The following UBE4B variants were observed in gnomAD, a reference collection of about 807,000 sequenced individuals.
UBE4B encodes the protein ubiquitin conjugation factor E4 B.
A neutral mutation model predicts 148.1 loss-of-function variants in UBE4B; 27 were observed. The observed-to-expected ratio is 0.18, with a 90% confidence interval of 0.13 to 0.25. UBE4B has a LOEUF of 0.25. UBE4B is among the 10% of genes least tolerant of loss of function. The pLI is 1.00. For missense variants in UBE4B, 1,170 were observed against 1,662.4 expected (o/e 0.70, Z 5.15); for synonymous variants, 596 against 619.3 (o/e 0.96, Z 0.56).
rs987706049 is a variant in UBE4B, at chr1:10,068,477, G to A, written c.25-3551G>A. Among the ~76,000 whole-genome samples the A allele has an allele frequency of 3.3e-5, 5 of 151,810 alleles. No individual in the cohort carries two copies. In the East Asian group the frequency reaches 9.7e-4, roughly 29 times the overall value. On this transcript the variant is annotated intron_variant, in intron 1 of 27. Coordinates refer to ENST00000343090, the MANE Select transcript of UBE4B (RefSeq NM_001105562.3). ...TGATTCTCCTGCCGCGGCCTCCTCA[G>A]TAGCTGGGATTATGGGCGCGTGCCA...
intron 1 of UBE4B, among the ~76,000 whole-genome samples, chr1:10,043,087 G>T (rs1230274763): frequency 2.0e-5 from 3 of 151,038 alleles, no homozygotes; most frequent in Non-Finnish European, 4.4e-5. Context: ...TCAGCTCACT[G>T]CAACCTCCGC....
At chr1:10,055,385 G>A (rs1644145938) in intron 1 of UBE4B, among the ~76,000 whole-genome samples, 1 of 151,732 alleles carries the variant, frequency 6.6e-6, no homozygotes, top group Non-Finnish European at 1.5e-5. Flanking sequence ...CAGCATCATA[G>A]CTCACTGTAG....
chr1:10,086,803 C>T (rs534181834), intron 2 of UBE4B, among the ~76,000 whole-genome samples: 2 of 152,178 alleles, frequency 1.3e-5, no homozygotes, highest in African/African-American at 2.4e-5. Flanking sequence ...AATTCTCGTG[C>T]CTCAGCCTCC....
At chr1:10,130,357 A>G (rs1645573069) in intron 12 of UBE4B, 143 bp from the exon 13 acceptor site, 1 of 762,750 alleles carries the variant, frequency 1.3e-6, no homozygotes, top group Non-Finnish European at 2.2e-6. Context: ...CTGGGATTAC[A>G]GGCGTGAGCC....
chr1:10,094,113 G>C (rs2101871851), intron 2 of UBE4B, among the ~76,000 whole-genome samples: 1 of 152,212 alleles, frequency 6.6e-6, no homozygotes, highest in South Asian at 2.1e-4. Flanking sequence ...TATTCATAGA[G>C]TTAAAGTAAT....
At chr1:10,128,680 T>C (rs1339029068) in intron 11 of UBE4B, 1 of 152,206 alleles carries the variant, frequency 6.6e-6, no homozygotes, top group African/African-American at 2.4e-5. Context: ...CTCAAAGGCA[T>C]CTCAACGTTG....
rs1646160152 is a variant in UBE4B, at chr1:10,161,542, T to C, written c.3198+256T>C. Reference sequence around the variant, plus strand: ...CTCTGCCTTTTTAATTTTAAAGGGCTTTTTTGGAGATGAGCTTTTATTGTC... The same window carrying C: ...CTCTGCCTTTTTAATTTTAAAGGGCCTTTTTGGAGATGAGCTTTTATTGTC... On this transcript the variant is annotated intron_variant, in intron 23 of 27. Coordinates refer to ENST00000343090, the MANE Select transcript of UBE4B (RefSeq NM_001105562.3). This position sits in a 1 kb window ranked among gnomAD's most constrained non-coding sequence, Gnocchi z 4.1. 6.6e-6 allele frequency among the ~76,000 whole-genome samples: 1 copy of C among 152,194 alleles called. No individual in the cohort carries two copies. The highest frequency in any genetic ancestry group is 2.4e-5 in the African/African-American group (1 of 41,456).
intron 1 of UBE4B, among the ~76,000 whole-genome samples, chr1:10,039,657 T>C (rs577619936): frequency 6.6e-6 from 1 of 151,906 alleles, no homozygotes; most frequent in South Asian, 2.1e-4. Context: ...CTAGGCTGGT[T>C]TCAAACTCCT....
At chr1:10,042,064 A>G (rs1469546520) in intron 1 of UBE4B, among the ~76,000 whole-genome samples, 2 of 152,106 alleles carry the variant, frequency 1.3e-5, no homozygotes, top group East Asian at 3.9e-4. Context: ...CCCCTCGAGT[A>G]TCTGGGATTA....
chr1:10,096,837 A>G (rs1450481361), intron 3 of UBE4B, among the ~76,000 whole-genome samples: 1 of 152,140 alleles, frequency 6.6e-6, no homozygotes, highest in Non-Finnish European at 1.5e-5. Flanking sequence ...CCAGGAGTTC[A>G]AGACCAACCT....
intron 7 of UBE4B, chr1:10,107,345 T>A: frequency 7.8e-7 from 1 of 1,289,188 alleles, no homozygotes; most frequent in Non-Finnish European, 1.0e-6. Context: ...GTGGTGGTGA[T>A]GATTTTTCTT....
rs1220859745 is a variant in UBE4B, at chr1:10,150,912, A to T, written c.2691-414A>T. Reference sequence around the variant, plus strand: ...CGCAGTGGCTCATGCCTGTAATCCCACCATTTTGGGAGGTCGAGGCGGGCG... The same window carrying T: ...CGCAGTGGCTCATGCCTGTAATCCCTCCATTTTGGGAGGTCGAGGCGGGCG... On this transcript the variant is annotated intron_variant, in intron 20 of 27. Coordinates refer to ENST00000343090, the MANE Select transcript of UBE4B (RefSeq NM_001105562.3). Among the ~76,000 whole-genome samples, 10 of 148,746 alleles carry T rather than the reference A, an allele frequency of 6.7e-5. No individual in the cohort carries two copies. The East Asian group carries it at 2.0e-3, about 29-fold the overall frequency.
At chr1:10,061,844 GTTAC>G (rs1644292617) in intron 1 of UBE4B, among the ~76,000 whole-genome samples, 1 of 151,626 alleles carries the variant, frequency 6.6e-6, no homozygotes, top group South Asian at 2.1e-4. Context: ...AGTGTTGTCA[GTTAC>G]TTACTGTGTT....
intron 7 of UBE4B, among the ~76,000 whole-genome samples, chr1:10,109,661 T>G (rs1645185100): frequency 6.6e-6 from 1 of 152,134 alleles, no homozygotes; most frequent in African/African-American, 2.4e-5. Context: ...TGTTACTTTT[T>G]TTTTTTTGAG....
intron 1 of UBE4B, among the ~76,000 whole-genome samples, chr1:10,069,911 G>A (rs570426967): frequency 6.6e-6 from 1 of 152,254 alleles, no homozygotes; most frequent in East Asian, 1.9e-4. Flanking sequence ...GATAAGTAAA[G>A]TAGTCAGTAA....
chr1:10,039,901 G>T (rs1308057900), intron 1 of UBE4B, among the ~76,000 whole-genome samples: 2 of 152,086 alleles, frequency 1.3e-5, no homozygotes, highest in Non-Finnish European at 2.9e-5. Flanking sequence ...GGAGTCCAAG[G>T]GAACTAAGGC....
At chr1:10,130,910 C>T (rs771531954) in intron 14 of UBE4B, 97 bp downstream of exon 14, 270 of 1,095,236 alleles carry the variant, frequency 2.5e-4, no homozygotes, top group Non-Finnish European at 3.2e-4. Context: ...AGTAGACAAA[C>T]GGCTAACAAA....
At chr1:10,055,350 T>C (rs1644144833) in intron 1 of UBE4B, among the ~76,000 whole-genome samples, 1 of 151,986 alleles carries the variant, frequency 6.6e-6, no homozygotes, top group Non-Finnish European at 1.5e-5. Context: ...AAGATCTCAC[T>C]GTTTCCCAGG....
chr1:10,145,965 T>C (rs1487967829), intron 18 of UBE4B, among the ~76,000 whole-genome samples: 1 of 152,214 alleles, frequency 6.6e-6, no homozygotes, highest in Non-Finnish European at 1.5e-5. Context: ...TGTTAGCTGG[T>C]CATGCATTCT....
Sources: gnomAD v4.1 joint callset for allele counts (sites outside exome capture counted in the v4.1 genomes callset) on GRCh38, gnomAD v4.1.1 for gene constraint, Gnocchi (gnomAD v3.1) non-coding constraint, MANE v1.5 for transcripts, NCBI Gene and HGNC (gene_info 2026-07-23, HGNC 2026-07-21) for gene names.